CACNA2D3: variants seen among roughly 807,000 people sequenced by gnomAD.
The protein encoded by CACNA2D3 is calcium voltage-gated channel auxiliary subunit alpha2delta 3, also known as voltage-dependent calcium channel subunit alpha-2/delta-3.
A neutral mutation model predicts 160.6 loss-of-function variants in CACNA2D3; 60 were observed. The ratio of observed to expected loss-of-function variants is 0.37; its 90% CI spans 0.30 to 0.46. CACNA2D3 has a LOEUF of 0.46. CACNA2D3 is among the 20% of genes least tolerant of loss of function. The pLI is 1.00. For synonymous variants in CACNA2D3, 558 were observed against 492.9 expected, an observed-to-expected ratio of 1.13 and a Z score of -1.75; for missense variants, 1,205 against 1,365.0, an observed-to-expected ratio of 0.88 and a Z score of 1.85.
At chr3:54,821,718 T>TTC (rs10640637) in intron 14 of CACNA2D3, among the ~76,000 whole-genome samples, 10 of 117,662 alleles carry the variant, frequency 8.5e-5, no homozygotes, top group South Asian at 2.9e-4. Flanking sequence ...CCTTCTTTCC[T>TTC]CTCTCTCTCT....
chr3:54,693,097 G>T (rs958406448), intron 11 of CACNA2D3, among the ~76,000 whole-genome samples: 21 of 152,022 alleles, frequency 1.4e-4, no homozygotes, highest in African/African-American at 5.1e-4. Context: ...AAAGCTGCAG[G>T]TTTTAATTTT....
At chr3:54,209,579 G>A (rs751502082) in intron 2 of CACNA2D3, among the ~76,000 whole-genome samples, 53 of 152,320 alleles carry the variant, frequency 3.5e-4, no homozygotes, top group Middle Eastern at 3.4e-3. Context: ...TTAAAGAAAA[G>A]CGTAATGTGA....
rs148100573 is a variant in CACNA2D3, at chr3:54,502,520, T to G, written c.382-972T>G. Among the ~76,000 whole-genome samples, 999 of 152,360 alleles carry G rather than the reference T, an allele frequency of 6.6e-3. 10 individuals are homozygous for G. The highest frequency in any genetic ancestry group is 0.023 in the African/African-American group (956 of 41,578). ...CTCTGCTTATATTACCCATCTGTTCTTACATGTCCGCTTTTTCCATTAGCC... is the reference window on the plus strand; with the variant it reads ...CTCTGCTTATATTACCCATCTGTTCGTACATGTCCGCTTTTTCCATTAGCC... On this transcript the variant is annotated intron_variant, in intron 4 of 37. Transcript: ENST00000474759.
At chr3:54,454,361 G>A (rs956306226) in intron 4 of CACNA2D3, among the ~76,000 whole-genome samples, 1 of 151,940 alleles carries the variant, frequency 6.6e-6, no homozygotes, top group Non-Finnish European at 1.5e-5. Flanking sequence ...AAGTTCTCTT[G>A]TACCCCGGTG....
intron 11 of CACNA2D3, among the ~76,000 whole-genome samples, chr3:54,663,909 T>G (rs1700016694): frequency 6.6e-6 from 1 of 152,216 alleles, no homozygotes; most frequent in African/African-American, 2.4e-5. Flanking sequence ...GTAGTCATGT[T>G]CAGCCTGTCC....
chr3:55,027,098 G>T (rs938848234), intron 35 of CACNA2D3, among the ~76,000 whole-genome samples: 4 of 152,076 alleles, frequency 2.6e-5, no homozygotes, highest in African/African-American at 9.7e-5. Flanking sequence ...AGATCACTGG[G>T]GTAGCTAGTT....
chr3:54,898,438 G>A (rs1489231540), intron 26 of CACNA2D3, among the ~76,000 whole-genome samples: 1 of 152,012 alleles, frequency 6.6e-6, no homozygotes, highest in South Asian at 2.1e-4. Flanking sequence ...GGCCAGGCTG[G>A]TCTCTAACTG....
chr3:54,651,302 G>T (rs1374943236), intron 11 of CACNA2D3, among the ~76,000 whole-genome samples: 4 of 152,056 alleles, frequency 2.6e-5, no homozygotes, highest in Non-Finnish European at 4.4e-5. Flanking sequence ...AAATTGTGGG[G>T]CCTCAGGATG....
chr3:54,752,707 A>G (rs775960088), intron 12 of CACNA2D3, 30 bp downstream of exon 12: 3 of 1,499,104 alleles, frequency 2.0e-6, no homozygotes, highest in East Asian at 2.3e-5. Context: ...TCGGCTCTGA[A>G]TAACTTCCAC....
intron 35 of CACNA2D3, among the ~76,000 whole-genome samples, chr3:55,050,184 G>A (rs1306197966): frequency 6.6e-6 from 1 of 150,518 alleles, no homozygotes; most frequent in African/African-American, 2.5e-5. Flanking sequence ...AGTTGATGCA[G>A]TTTCTTCCTA....
intron 25 of CACNA2D3, among the ~76,000 whole-genome samples, chr3:54,895,787 G>T (rs1425376384): frequency 1.3e-5 from 2 of 152,200 alleles, no homozygotes. Context: ...TATCAGCCAA[G>T]ATGAGGCGCT....
intron 2 of CACNA2D3, among the ~76,000 whole-genome samples, chr3:54,180,061 G>T (rs905038357): frequency 6.8e-6 from 1 of 147,648 alleles, no homozygotes. Context: ...TTATGTCTTA[G>T]CTGATGTTCT....
At chr3:54,889,952 A>G (rs1700018893) in intron 24 of CACNA2D3, among the ~76,000 whole-genome samples, 2 of 152,294 alleles carry the variant, frequency 1.3e-5, no homozygotes, top group South Asian at 4.1e-4. Context: ...TCTGTAACTG[A>G]TTGGACAGCC....
At chr3:54,383,050 G>A (rs943994495) in intron 3 of CACNA2D3, among the ~76,000 whole-genome samples, 1 of 152,228 alleles carries the variant, frequency 6.6e-6, no homozygotes, top group East Asian at 1.9e-4. Flanking sequence ...GATTTGCCAT[G>A]TTGCCCAGGC....
At chr3:54,148,088 C>T (rs1448274443) in intron 2 of CACNA2D3, among the ~76,000 whole-genome samples, 3 of 152,240 alleles carry the variant, frequency 2.0e-5, no homozygotes, top group East Asian at 1.9e-4. Flanking sequence ...TGAGCCACTG[C>T]GCCCAGCTGA....
chr3:54,547,563 A>T (rs929917277), intron 5 of CACNA2D3, among the ~76,000 whole-genome samples: 1 of 151,722 alleles, frequency 6.6e-6, no homozygotes, highest in African/African-American at 2.4e-5. Context: ...ACGTGGCCAC[A>T]TCTACAGTTT....
At chr3:55,034,985 C>A (rs556892652) in intron 35 of CACNA2D3, among the ~76,000 whole-genome samples, 1 of 151,770 alleles carries the variant, frequency 6.6e-6, no homozygotes, top group South Asian at 2.1e-4. Flanking sequence ...TTTTTTATTT[C>A]TTTCTCTGTT....
intron 13 of CACNA2D3, among the ~76,000 whole-genome samples, chr3:54,765,819 A>G (rs1402967495): frequency 6.6e-6 from 1 of 152,190 alleles, no homozygotes; most frequent in Non-Finnish European, 1.5e-5. Flanking sequence ...TCAACTACAT[A>G]TGGGGATTTA....
At chr3:54,590,736 C>T (rs184743197) in intron 9 of CACNA2D3, among the ~76,000 whole-genome samples, 2 of 152,162 alleles carry the variant, frequency 1.3e-5, no homozygotes, top group Admixed American at 1.3e-4. Flanking sequence ...CGTGAGCCAC[C>T]ATGCTTGGCC....
Sources: gnomAD v4.1 joint callset for allele counts (sites outside exome capture counted in the v4.1 genomes callset) on GRCh38, gnomAD v4.1.1 for gene constraint, MANE v1.5 for transcripts, NCBI Gene and HGNC (gene_info 2026-07-23, HGNC 2026-07-21) for gene names.